Variants in RANBP17 observed in about 807,000 individuals in gnomAD.
RANBP17 encodes RAN binding protein 17.
Under a neutral mutation model 141.2 loss-of-function variants are expected in RANBP17, and 158 were observed. The ratio of observed to expected loss-of-function variants is 1.12; its 90% CI spans 0.98 to 1.28. The LOEUF (loss-of-function observed/expected upper bound fraction) is 1.28, where lower values mean the gene tolerates loss of function less well. RANBP17 is among the 50% of genes most tolerant of loss of function. RANBP17 has a pLI of 0.00. For synonymous variants in RANBP17, 430 were observed against 450.0 expected, an observed-to-expected ratio of 0.96 and a Z score of 0.56; for missense variants, 1,438 against 1,290.7, an observed-to-expected ratio of 1.11 and a Z score of -1.75.
At chr5:171,167,261 T>G (rs964152613) in intron 14 of RANBP17, among the ~76,000 whole-genome samples, 2 of 152,202 alleles carry the variant, frequency 1.3e-5, no homozygotes, top group African/African-American at 2.4e-5. Flanking sequence ...AGAAAGCACA[T>G]TTTTTAATGT....
At chr5:171,012,158 T>C (rs1780103802) in intron 14 of RANBP17, among the ~76,000 whole-genome samples, 1 of 151,930 alleles carries the variant, frequency 6.6e-6, no homozygotes, top group Non-Finnish European at 1.5e-5. Context: ...TTGCCAAGAA[T>C]ACTGTGTGGC....
intron 14 of RANBP17, among the ~76,000 whole-genome samples, chr5:171,064,989 A>G (rs1019267277): frequency 4.6e-5 from 7 of 152,114 alleles, no homozygotes; most frequent in East Asian, 1.9e-4. Flanking sequence ...TTCTTTGGCT[A>G]TGCACATTTT....
intron 18 of RANBP17, among the ~76,000 whole-genome samples, chr5:171,199,084 A>AG (rs1424654420): frequency 1.3e-5 from 2 of 152,052 alleles, no homozygotes; most frequent in East Asian, 3.9e-4. Context: ...AAAAAAAAAG[A>AG]GAAAAAAAAG....
chr5:170,990,752 G>A (rs1778450762), intron 14 of RANBP17, among the ~76,000 whole-genome samples: 1 of 151,940 alleles, frequency 6.6e-6, no homozygotes, highest in South Asian at 2.1e-4. Context: ...ATATTCAGCT[G>A]ATATGGATGA....
intron 14 of RANBP17, among the ~76,000 whole-genome samples, chr5:170,974,413 C>T (rs1241718859): frequency 6.6e-6 from 1 of 152,110 alleles, no homozygotes; most frequent in African/African-American, 2.4e-5. Context: ...ACTTAATGTC[C>T]TACTTTCTGA....
At chr5:171,224,552 T>C (rs2127984434) in intron 22 of RANBP17, among the ~76,000 whole-genome samples, 1 of 152,226 alleles carries the variant, frequency 6.6e-6, no homozygotes, top group African/African-American at 2.4e-5. Context: ...CTGTTCTCTG[T>C]TGGGTTGTCT....
intron 3 of RANBP17, among the ~76,000 whole-genome samples, chr5:170,882,780 AATG>A (rs1192466364): frequency 6.6e-6 from 1 of 152,246 alleles, no homozygotes; most frequent in Non-Finnish European, 1.5e-5. Context: ...TACTTGAAAA[AATG>A]ATTTTATAAA....
chr5:171,053,221 T>C (rs1356356487), intron 14 of RANBP17, among the ~76,000 whole-genome samples: 1 of 152,168 alleles, frequency 6.6e-6, no homozygotes. Flanking sequence ...AACTTTTATT[T>C]TAGGTTCAGG....
rs571877390 is a variant in RANBP17, at chr5:171,002,797, G to C, written c.1710+34420G>C. Among the ~76,000 whole-genome samples the C allele has an allele frequency of 2.4e-3, 364 of 152,236 alleles. 2 individuals carry two copies. Among genetic ancestry groups the C allele is most frequent in the African/African-American group, 8.4e-3 (348 of 41,540 alleles). ...CCAAGTGTGATCAGATTGAGGAACA[G>C]GAAAGAAGGAAATATGGGGAAATGG... is the stretch of plus-strand genomic sequence containing the variant. On this transcript the variant is annotated intron_variant, in intron 14 of 27. Transcript: ENST00000523189.
At chr5:171,150,842 G>A (rs951610227) in intron 14 of RANBP17, among the ~76,000 whole-genome samples, 3 of 152,156 alleles carry the variant, frequency 2.0e-5, no homozygotes, top group Admixed American at 6.5e-5. Flanking sequence ...ACTTCATTTG[G>A]TTTGTTAAAT....
At chr5:171,133,266 T>C (rs1757054269) in intron 14 of RANBP17, among the ~76,000 whole-genome samples, 1 of 152,220 alleles carries the variant, frequency 6.6e-6, no homozygotes, top group Non-Finnish European at 1.5e-5. Flanking sequence ...CATTTACACA[T>C]ATTATTTGCT....
chr5:171,151,413 G>A (rs17073377), intron 14 of RANBP17, among the ~76,000 whole-genome samples: 3 of 152,016 alleles, frequency 2.0e-5, no homozygotes, highest in African/African-American at 4.8e-5. Flanking sequence ...TTCAAGAGTC[G>A]CCTTAAATAT....
In RANBP17 at chr5:171,295,944, G is replaced by A; in HGVS notation, c.3100G>A (p.Val1034Ile). The A allele has an allele frequency of 6.2e-7, 1 of 1,613,932 alleles. No individual in the cohort carries two copies. Among genetic ancestry groups the A allele is most frequent in the Non-Finnish European group, 8.5e-7 (1 of 1,179,858 alleles). Reference sequence around the variant, plus strand: ...CAGCCAGCCCCTCCCCAAGCAGGAGGTCCTTGCCCAGTGCTTCAGAAACCT... The same window carrying A: ...CAGCCAGCCCCTCCCCAAGCAGGAGATCCTTGCCCAGTGCTTCAGAAACCT... ...INSQPLPKQE[V>I]LAQCFRNLME... The change falls in exon 27 of 28, where the codon GTC becomes ATC. Residue 1034 changes from valine (V) to isoleucine (I), a missense_variant. Coordinates refer to ENST00000523189, the MANE Select transcript of RANBP17 (RefSeq NM_022897.5).
intron 18 of RANBP17, among the ~76,000 whole-genome samples, chr5:171,191,243 AAC>A (rs373846398): frequency 2.8e-4 from 43 of 152,350 alleles, no homozygotes; most frequent in African/African-American, 9.6e-4. Flanking sequence ...TAGAAATAAA[AAC>A]ACAGAGGAAG....
At chr5:171,266,553 CAGG>C (rs1411566908) in intron 25 of RANBP17, among the ~76,000 whole-genome samples, 3 of 152,124 alleles carry the variant, frequency 2.0e-5, no homozygotes, top group African/African-American at 7.2e-5. Context: ...GAGGCAGAGG[CAGG>C]AGGATTGCTT....
At chr5:170,953,771 A>G in intron 13 of RANBP17, 69 bp downstream of exon 13, 1 of 986,008 alleles carries the variant, frequency 1.0e-6, no homozygotes, top group South Asian at 1.4e-5. Flanking sequence ...TTGAACTAGT[A>G]TTATGAGTGA....
At chr5:171,089,446 A>G (rs1378256407) in intron 14 of RANBP17, among the ~76,000 whole-genome samples, 4 of 152,130 alleles carry the variant, frequency 2.6e-5, no homozygotes, top group South Asian at 2.1e-4. Flanking sequence ...GGTGGAGCCT[A>G]CAGAGGCAGG....
chr5:170,988,815 TTTA>T (rs1778323425), intron 14 of RANBP17, among the ~76,000 whole-genome samples: 1 of 151,788 alleles, frequency 6.6e-6, no homozygotes, highest in Non-Finnish European at 1.5e-5. Context: ...CCTCTTACTG[TTTA>T]TTATTTTTGT....
chr5:171,297,401 G>C (rs1179428367), intron 27 of RANBP17, among the ~76,000 whole-genome samples: 1 of 152,154 alleles, frequency 6.6e-6, no homozygotes, highest in East Asian at 1.9e-4. Flanking sequence ...GAAAAAAAAG[G>C]CCTGCACCAT....
Sources: gnomAD v4.1 joint callset for allele counts (sites outside exome capture counted in the v4.1 genomes callset) on GRCh38, gnomAD v4.1.1 for gene constraint, MANE v1.5 for transcripts, NCBI Gene and HGNC (gene_info 2026-07-23, HGNC 2026-07-21) for gene names.